SH3YL1: variants seen among roughly 807,000 people sequenced by gnomAD.
SH3YL1 encodes the protein SH3 and SYLF domain containing 1, also known as SH3 domain-containing YSC84-like protein 1.
A neutral mutation model predicts 45.8 loss-of-function variants in SH3YL1; 41 were observed. That is an observed-to-expected ratio of 0.89 (90% CI 0.70 to 1.16). SH3YL1 has a LOEUF of 1.16. Ranked by LOEUF, SH3YL1 falls within the 50% of genes most tolerant of loss-of-function variation. The pLI is 0.00. For synonymous variants in SH3YL1, 152 were observed against 151.4 expected (o/e 1.00, Z -0.03); for missense variants, 389 against 409.6 (o/e 0.95, Z 0.43).
At chr2:262,669 C>T in intron 1 of SH3YL1, 1 of 1,304,256 alleles carries the variant, frequency 7.7e-7, no homozygotes, top group Non-Finnish European at 1.0e-6. Context: ...TTGTGAGGCT[C>T]TCAGCAGAGT....
At chr2:264,044 G>A (rs1193084307), upstream of SH3YL1, 4 of 1,361,794 alleles carry the variant, frequency 2.9e-6, no homozygotes, top group Non-Finnish European at 2.9e-6. Context: ...AAGGCGCGCT[G>A]CCCCGCCCCG....
chr2:257,715 G>A (rs947629334), intron 1 of SH3YL1, among the ~76,000 whole-genome samples: 3 of 152,136 alleles, frequency 2.0e-5, no homozygotes, highest in African/African-American at 7.2e-5. Context: ...CTGTGATTCT[G>A]GGGGCTGCCC....
intron 9 of SH3YL1, chr2:222,833 C>T (rs1667632940): frequency 6.6e-6 from 1 of 152,216 alleles, no homozygotes; most frequent in African/African-American, 2.4e-5. Flanking sequence ...GACTCAGTGT[C>T]CTGCTTCATC....
At chr2:220,150 C>A (rs1667509524) in intron 9 of SH3YL1, among the ~76,000 whole-genome samples, 1 of 149,254 alleles carries the variant, frequency 6.7e-6, no homozygotes, top group Non-Finnish European at 1.5e-5. Context: ...ACATCAATAA[C>A]CAGACTCTAG....
At chr2:238,299 GT>G (rs1398695205) in intron 4 of SH3YL1, among the ~76,000 whole-genome samples, 8 of 132,620 alleles carry the variant, frequency 6.0e-5, no homozygotes, top group Non-Finnish European at 1.0e-4. Flanking sequence ...GTGTGTGTGT[GT>G]GTGGCATGGC....
At chr2:246,148 C>T (rs1218639541) in intron 4 of SH3YL1, among the ~76,000 whole-genome samples, 1 of 151,250 alleles carries the variant, frequency 6.6e-6, no homozygotes, top group Non-Finnish European at 1.5e-5. Flanking sequence ...TGAGCTGAGT[C>T]CATGCCATTG....
intron 7 of SH3YL1, chr2:230,630 CT>C (rs748915236): frequency 1.1e-4 from 29 of 258,718 alleles, no homozygotes; most frequent in Non-Finnish European, 1.5e-5. Flanking sequence ...TTTCAGCCTC[CT>C]GAGTAGCTGA....
At chr2:242,690 C>A in intron 4 of SH3YL1, 8 of 1,334,908 alleles carry the variant, frequency 6.0e-6, no homozygotes, top group East Asian at 3.0e-5. Context: ...ATTAAACAAC[C>A]AAATAAAAAG....
At chr2:259,825 G>C (rs556457259) in intron 1 of SH3YL1, 1 of 150,656 alleles carries the variant, frequency 6.6e-6, no homozygotes, top group Admixed American at 6.6e-5. Context: ...TCACAGCTTT[G>C]TGTTACAGAA....
chr2:253,667 T>C (rs1669180216), intron 1 of SH3YL1, among the ~76,000 whole-genome samples: 2 of 152,222 alleles, frequency 1.3e-5, no homozygotes, highest in South Asian at 4.1e-4. Context: ...GTATCCTTAG[T>C]TGAGCAGCCC....
chr2:226,788 G>A (rs1478192511), intron 8 of SH3YL1, among the ~76,000 whole-genome samples: 1 of 151,974 alleles, frequency 6.6e-6, no homozygotes. Flanking sequence ...ATATATGGTG[G>A]GGAGTGTACA....
chr2:219,137 G>T, intron 9 of SH3YL1, 136 bp from the exon 10 acceptor site: 1 of 576,164 alleles, frequency 1.7e-6, no homozygotes, highest in Non-Finnish European at 2.9e-6. Context: ...ACAACAGTCT[G>T]TGTAATTTTC....
chr2:242,872 CT>C, intron 4 of SH3YL1: 1 of 1,480,210 alleles, frequency 6.8e-7, no homozygotes, highest in Non-Finnish European at 9.0e-7. Context: ...GAGTGGCACT[CT>C]TTATATCAAA....
chr2:227,770 T>C (rs1030235612), intron 8 of SH3YL1, among the ~76,000 whole-genome samples: 1 of 151,764 alleles, frequency 6.6e-6, no homozygotes, highest in African/African-American at 2.4e-5. Flanking sequence ...TAGAGGAAGG[T>C]ATCTTGAAAG....
intron 1 of SH3YL1, 102 bp downstream of exon 1, chr2:263,882 A>C (rs1270238170): frequency 1.1e-5 from 11 of 990,096 alleles, no homozygotes; most frequent in Non-Finnish European, 1.7e-5. Context: ...CGACCTAGAA[A>C]CCCCAGAGGC....
chr2:228,569 T>C (rs1378409289), intron 8 of SH3YL1, among the ~76,000 whole-genome samples: 3 of 152,206 alleles, frequency 2.0e-5, no homozygotes, highest in African/African-American at 7.2e-5. Flanking sequence ...AACATACATA[T>C]GGGTCAAATT....
chr2:254,580 G>A (rs566241953), intron 1 of SH3YL1, among the ~76,000 whole-genome samples: 1 of 152,306 alleles, frequency 6.6e-6, no homozygotes, highest in Admixed American at 6.5e-5. Flanking sequence ...GTACGCTAAT[G>A]GAAGCTTGCT....
chr2:247,563 C>T lies in SH3YL1; in HGVS notation c.266G>A (p.Gly89Asp), dbSNP rs75813741. The change falls in exon 4 of 10, where the codon GGT becomes GAT. Residue 89 changes from glycine to aspartate, a missense_variant. Transcript: ENST00000356150. ...CTCAATTCCTATTTCAAATCCTCCA[C>T]CAAGGCCAGCTATCCCAATGGCTGA... ...APSAIGIAGL[G>D]GGFEIGIEVS... The T allele has an allele frequency of 5.2e-5, 81 of 1,551,676 alleles. No individual in the cohort carries two copies. The African/African-American group carries it at 9.6e-4, about 18-fold the overall frequency.
intron 4 of SH3YL1, chr2:243,366 G>C: frequency 2.3e-6 from 2 of 859,472 alleles, no homozygotes; most frequent in Non-Finnish European, 3.4e-6. Flanking sequence ...TGAAATCAAG[G>C]ACAAGATAAA....
Sources: allele counts gnomAD v4.1 joint callset (sites outside exome capture counted in the v4.1 genomes callset), GRCh38; gene constraint gnomAD v4.1.1; transcripts MANE v1.5; gene names NCBI Gene and HGNC (gene_info 2026-07-23, HGNC 2026-07-21).